Variants in DIS3 observed in about 807,000 individuals in gnomAD.
The protein encoded by DIS3 is DIS3 exosome endoribonuclease and 3'-5' exoribonuclease, also known as exosome complex exonuclease RRP44.
DIS3 carries 103 observed loss-of-function variants against 113.0 expected under a neutral mutation model. The ratio of observed to expected loss-of-function variants is 0.91; its 90% CI spans 0.78 to 1.07. The LOEUF (loss-of-function observed/expected upper bound fraction) is 1.07. Ranked by LOEUF, DIS3 falls within the 50% of genes least tolerant of loss-of-function variation. The probability of loss-of-function intolerance (pLI) is 0.00; values close to 1 mark genes in which losing one functional copy is unlikely to be tolerated. For missense variants in DIS3, 1,121 were observed against 1,167.1 expected (o/e 0.96, Z 0.58); for synonymous variants, 402 against 394.3 (o/e 1.02, Z -0.23).
intron 5 of DIS3, 59 bp downstream of exon 5, chr13:72,775,866 C>T: frequency 7.3e-7 from 1 of 1,363,044 alleles, no homozygotes; most frequent in Non-Finnish European, 1.0e-6. Context: ...ATTAAGTGTT[C>T]ATAATATATA....
chr13:72,763,513 G>A lies in DIS3; in HGVS notation c.2065C>T (p.Arg689Ter), dbSNP rs745945890. 27 of 1,613,738 alleles carry A rather than the reference G, an allele frequency of 1.7e-5. No homozygotes were observed. The highest frequency in any genetic ancestry group is 1.9e-5 in the Non-Finnish European group (22 of 1,179,968). The change falls in exon 16 of 21, where the codon CGA becomes TGA. Residue 689 changes from arginine to a stop codon, truncating the protein, a stop_gained. Coordinates refer to ENST00000377767, the MANE Select transcript of DIS3 (RefSeq NM_014953.5). LOFTEE classifies it high-confidence loss of function. ...GATGGAGGTGGAGCAGGATGTTTTC[G>A]AAGCAGAGCATGTTCAGAAAATTCC... is the stretch of plus-strand genomic sequence containing the variant. ...HEEFSEHALL[R>*]KHPAPPPSNY...
chr13:72,756,346 T>C lies in DIS3; in HGVS notation c.*3449A>G, dbSNP rs1364626951. The C allele has an allele frequency of 6.2e-6, 1 of 160,988 alleles. No homozygotes were observed. The highest frequency in any genetic ancestry group is 6.4e-5 in the Admixed American group (1 of 15,508). The allele number at this position is 160,988 out of a possible 1,614,324, so 10.0% of individuals were successfully genotyped here. On this transcript the variant is annotated 3_prime_UTR_variant, in exon 21 of 21. Transcript: ENST00000377767. ...AGGGGACATGGCTACAGATACTACA[T>C]TGGAAAGTTGTCTTTAATCACACAG...
At chr13:72,778,525 A>C (rs964851020) in intron 2 of DIS3, 145 bp from the exon 3 acceptor site, 4 of 508,330 alleles carry the variant, frequency 7.9e-6, no homozygotes, top group African/African-American at 1.9e-5. Context: ...TGTACACCTC[A>C]GAGAAGAAAT....
Position 72,758,365 on chromosome 13 carries a change from A to G in DIS3, c.*1430T>C. On this transcript the variant is annotated 3_prime_UTR_variant, in exon 21 of 21. Transcript: ENST00000377767. The stretch of plus-strand genomic sequence containing the variant: ...ACATATCCCTGTCATTAAGTGACAT[A>G]TGACTATATATGAAACTTAACAAAT... 5.4e-6 allele frequency: 1 copy of G among 185,720 alleles called. No individual in the cohort carries two copies. Among genetic ancestry groups the G allele is most frequent in the Non-Finnish European group, 1.1e-5 (1 of 87,716 alleles). 11.5% of individuals were successfully genotyped at this position (185,720 alleles called of 1,614,324 possible).
intron 2 of DIS3, 31 bp downstream of exon 2, chr13:72,780,815 T>A (rs2034171791): frequency 6.4e-7 from 1 of 1,566,126 alleles, no homozygotes; most frequent in Non-Finnish European, 8.6e-7. Context: ...ATCCTGTGGT[T>A]TTCTGATATT....
chr13:72,765,712 ACTAGT>A (rs1214001947), intron 15 of DIS3, among the ~76,000 whole-genome samples: 2 of 152,200 alleles, frequency 1.3e-5, no homozygotes, highest in African/African-American at 4.8e-5. Context: ...TCTAACTATT[ACTAGT>A]CAAGTTCTAA....
At chr13:72,777,000 G>C (rs1401008025) in intron 4 of DIS3, among the ~76,000 whole-genome samples, 1 of 152,222 alleles carries the variant, frequency 6.6e-6, no homozygotes, top group Non-Finnish European at 1.5e-5. Context: ...CCTTCAGGGA[G>C]ATCTTTATAA....
Position 72,775,232 on chromosome 13 carries a change from T to C in DIS3, c.966A>G (p.Lys322=). 6.2e-7 allele frequency: 1 copy of C among 1,613,364 alleles called. No individual in the cohort carries two copies. The highest frequency in any genetic ancestry group is 8.5e-7 in the Non-Finnish European group (1 of 1,179,596). The change falls in exon 6 of 21, where the codon AAA becomes AAG. Residue 322 remains lysine (K), a synonymous_variant. Transcript: ENST00000377767. ...ATACCATTCGTTCTGTCTCTTCTTC[T>C]TTCTCCACATCTTCTTCATTTTGAC... The part of the protein sequence containing the change: ...DEGQNEEDVE[K]EEETERMLKT...
intron 20 of DIS3, 25 bp downstream of exon 20, chr13:72,760,504 A>C: frequency 6.2e-7 from 1 of 1,613,130 alleles, no homozygotes; most frequent in South Asian, 1.1e-5. Context: ...CCATCACAAC[A>C]AGGAAATTTT....
rs2033341098 is a variant in DIS3 at position 72,753,581 on chromosome 13, T to C, written c.*6214A>G. On this transcript the variant is annotated 3_prime_UTR_variant, in exon 21 of 21. Coordinates refer to ENST00000377767, the MANE Select transcript of DIS3 (RefSeq NM_014953.5). ...TTTGTTCAACATGATCAATATTACA[T>C]GTTAGGATCATTCAGATGTAGTGAA... 5 of 1,141,890 alleles carry C rather than the reference T, an allele frequency of 4.4e-6. No individual in the cohort carries two copies. Among genetic ancestry groups the C allele is most frequent in the African/African-American group, 1.6e-5 (1 of 64,206 alleles). The allele number at this position is 1,141,890 out of a possible 1,614,324, so 70.7% of individuals were successfully genotyped here.
intron 20 of DIS3, 138 bp downstream of exon 20, chr13:72,760,391 T>G (rs1454114496): frequency 9.6e-7 from 1 of 1,036,948 alleles, no homozygotes; most frequent in East Asian, 2.5e-5. Flanking sequence ...GAAAACAGGA[T>G]TTGCTATGCA....
chr13:72,763,641 A>G, intron 15 of DIS3, 34 bp from the exon 16 acceptor site: 4 of 1,579,928 alleles, frequency 2.5e-6, no homozygotes, highest in Non-Finnish European at 3.4e-6. Context: ...CAAACAAAAA[A>G]GAGAATCTGA....
intron 4 of DIS3, 110 bp from the exon 5 acceptor site, chr13:72,776,202 A>G: frequency 9.7e-7 from 1 of 1,032,034 alleles, no homozygotes; most frequent in South Asian, 2.0e-5. Flanking sequence ...GATATACACA[A>G]CTCTGAATAG....
Position 72,759,081 on chromosome 13 carries a change from A to T in DIS3, c.*714T>A, listed in dbSNP as rs1279363817. The T allele has an allele frequency of 5.6e-6, 1 of 179,658 alleles. No homozygotes were observed. Among genetic ancestry groups the T allele is most frequent in the East Asian group, 9.2e-5 (1 of 10,824 alleles). 11.1% of individuals were successfully genotyped at this position (179,658 alleles called of 1,614,324 possible). A position where few individuals can be genotyped will look rare whatever the true frequency, so the allele number is the denominator to read the frequency against. On this transcript the variant is annotated 3_prime_UTR_variant, in exon 21 of 21. Transcript: ENST00000377767. ...TTAATCTGTTTTTTATTTTGTAAGT[A>T]ACAAGATATAGACATTTGAATGCCA... is the stretch of plus-strand genomic sequence containing the variant.
chr13:72,772,651 T>C (rs757163307), intron 9 of DIS3, 42 bp downstream of exon 9: 1 of 1,567,498 alleles, frequency 6.4e-7, no homozygotes, highest in South Asian at 1.2e-5. Flanking sequence ...CTAGGCAGGA[T>C]ATAATAATTT....
chr13:72,769,738 A>G (rs2033841988), intron 13 of DIS3, among the ~76,000 whole-genome samples: 1 of 152,206 alleles, frequency 6.6e-6, no homozygotes, highest in African/African-American at 2.4e-5. Flanking sequence ...TTAAAGTACA[A>G]ACTGTGATGG....
intron 14 of DIS3, among the ~76,000 whole-genome samples, chr13:72,767,949 A>T (rs765783956): frequency 3.3e-5 from 5 of 152,162 alleles, no homozygotes; most frequent in African/African-American, 4.8e-5. Flanking sequence ...GTTTCCTTCA[A>T]CATGCCTGAG....
intron 2 of DIS3, among the ~76,000 whole-genome samples, chr13:72,778,752 G>A (rs539073802): frequency 6.6e-6 from 1 of 152,252 alleles, no homozygotes; most frequent in East Asian, 1.9e-4. Flanking sequence ...CATTCAAACT[G>A]TAGGTTAATA....
chr13:72,766,092 AGC>A (rs773461383), intron 14 of DIS3, 34 bp from the exon 15 acceptor site: 1 of 1,537,692 alleles, frequency 6.5e-7, no homozygotes. Context: ...ATTATAGTCA[AGC>A]AAGCCAATAA....
Sources: gnomAD v4.1 joint callset for allele counts (sites outside exome capture counted in the v4.1 genomes callset) on GRCh38, gnomAD v4.1.1 for gene constraint, MANE v1.5 for transcripts, NCBI Gene and HGNC (gene_info 2026-07-23, HGNC 2026-07-21) for gene names.